The following CPN1 variants were observed in gnomAD, a reference collection of about 807,000 sequenced individuals.
CPN1 encodes the protein carboxypeptidase N subunit 1.
In CPN1, 37 loss-of-function variants were observed where a neutral mutation model predicts 46.4. The observed-to-expected ratio is 0.80, with a 90% CI of 0.61 to 1.05. CPN1 has a LOEUF of 1.05. Ranked by LOEUF, CPN1 falls within the 50% of genes least tolerant of loss-of-function variation. The pLI is 0.00. For missense variants in CPN1, 563 were observed against 602.6 expected (o/e 0.93, Z 0.69); for synonymous variants, 224 against 235.4 (o/e 0.95, Z 0.44).
At chr10:100,043,364 C>T (rs1244510260) in intron 8 of CPN1, among the ~76,000 whole-genome samples, 2 of 151,460 alleles carry the variant, frequency 1.3e-5, no homozygotes, top group East Asian at 3.9e-4. Context: ...CACTGCACTC[C>T]AGCCTGGGTG....
At chr10:100,068,491 G>C (rs2041467605) in intron 3 of CPN1, among the ~76,000 whole-genome samples, 1 of 151,860 alleles carries the variant, frequency 6.6e-6, no homozygotes, top group Non-Finnish European at 1.5e-5. Flanking sequence ...GGGATTACAG[G>C]CGTGAGCCAC....
At chr10:100,059,712 C>T (rs2041406362) in intron 5 of CPN1, among the ~76,000 whole-genome samples, 1 of 151,798 alleles carries the variant, frequency 6.6e-6, no homozygotes, top group African/African-American at 2.4e-5. Context: ...ATAGAACTAC[C>T]TTATGTCCAA....
intron 7 of CPN1, among the ~76,000 whole-genome samples, chr10:100,053,265 C>T (rs566984614): frequency 1.3e-5 from 2 of 152,254 alleles, no homozygotes; most frequent in South Asian, 2.1e-4. Context: ...CCAGCTTAAA[C>T]AGATTGTAGG....
At chr10:100,075,248 C>T (rs915427372) in intron 2 of CPN1, among the ~76,000 whole-genome samples, 1 of 152,174 alleles carries the variant, frequency 6.6e-6, no homozygotes, top group Non-Finnish European at 1.5e-5. Flanking sequence ...CGAGATCGCA[C>T]CACTGCACTC....
intron 4 of CPN1, among the ~76,000 whole-genome samples, chr10:100,064,082 C>T (rs751736085): frequency 2.3e-4 from 35 of 151,946 alleles, no homozygotes; most frequent in Non-Finnish European, 2.9e-5. Context: ...ATTGAAGGTC[C>T]CTTGTTTTTG....
At chr10:100,079,936 A>T (rs1488556360) in intron 1 of CPN1, among the ~76,000 whole-genome samples, 3 of 152,192 alleles carry the variant, frequency 2.0e-5, no homozygotes, top group Non-Finnish European at 4.4e-5. Flanking sequence ...AATAAAAAAA[A>T]TTAGCCAGGC....
intron 5 of CPN1, among the ~76,000 whole-genome samples, chr10:100,060,640 A>G (rs2041411310): frequency 6.6e-6 from 1 of 152,202 alleles, no homozygotes; most frequent in Admixed American, 6.5e-5. Flanking sequence ...TTACAGAAAG[A>G]ATGGGGAAAG....
chr10:100,064,102 C>G (rs2041438014), intron 4 of CPN1, among the ~76,000 whole-genome samples: 1 of 152,004 alleles, frequency 6.6e-6, no homozygotes, highest in African/African-American at 2.4e-5. Flanking sequence ...GTGCCATTTT[C>G]TAGCCGAATT....
intron 7 of CPN1, among the ~76,000 whole-genome samples, chr10:100,052,281 G>C (rs972401522): frequency 6.6e-6 from 1 of 152,076 alleles, no homozygotes; most frequent in Non-Finnish European, 1.5e-5. Flanking sequence ...ATGTTGCCTA[G>C]GCTGGTTGCG....
intron 8 of CPN1, among the ~76,000 whole-genome samples, chr10:100,044,712 T>A (rs893523597): frequency 2.1e-5 from 3 of 146,072 alleles, no homozygotes; most frequent in African/African-American, 7.6e-5. Flanking sequence ...TAGTAAACAA[T>A]CTTTTTTTTT....
At chr10:100,075,447 A>G (rs989850103) in intron 2 of CPN1, among the ~76,000 whole-genome samples, 1 of 152,212 alleles carries the variant, frequency 6.6e-6, no homozygotes, top group Non-Finnish European at 1.5e-5. Flanking sequence ...CCCTACCCCC[A>G]GTTCTGGGGA....
chr10:100,071,609 A>C (rs2041485844), intron 2 of CPN1, among the ~76,000 whole-genome samples: 1 of 152,174 alleles, frequency 6.6e-6, no homozygotes, highest in Admixed American at 6.5e-5. Context: ...CTCCATATCC[A>C]TGGGTTCCAC....
chr10:100,048,718 G>A (rs1250676737), intron 8 of CPN1, 40 bp downstream of exon 8: 1 of 1,367,400 alleles, frequency 7.3e-7, no homozygotes. Context: ...GACTGTATAA[G>A]TGATCTCTAC....
intron 1 of CPN1, among the ~76,000 whole-genome samples, chr10:100,076,388 G>A (rs1169060073): frequency 6.6e-6 from 1 of 152,172 alleles, no homozygotes; most frequent in African/African-American, 2.4e-5. Context: ...TTGTAAAGTG[G>A]GCATTAATAG....
In CPN1 at chr10:100,075,958, T is replaced by C. The variant is rs981429776; in HGVS notation, c.373A>G (p.Ile125Val). ...CCGTCGGGGTTCATGGATGGCAGGA[T>C]GTGAATGCGCGTGTCCTGGATGAGC... is the stretch of plus-strand genomic sequence containing the variant. ...VQLIQDTRIH[I>V]LPSMNPDGYE... is the part of the protein sequence containing the mutation. The change falls in exon 2 of 9, where the codon ATC becomes GTC. Residue 125 changes from isoleucine (I) to valine (V), a missense_variant. Coordinates refer to ENST00000370418, the MANE Select transcript of CPN1 (RefSeq NM_001308.3). The C allele has an allele frequency of 1.2e-6, 2 of 1,614,168 alleles. No homozygotes were observed. Among genetic ancestry groups the C allele is most frequent in the Non-Finnish European group, 8.5e-7 (1 of 1,180,042 alleles).
chr10:100,062,023 G>T (rs1005784037), intron 5 of CPN1, among the ~76,000 whole-genome samples: 1 of 152,014 alleles, frequency 6.6e-6, no homozygotes, highest in South Asian at 2.1e-4. Context: ...GTATTCAAGC[G>T]AGTTTTTGTC....
chr10:100,046,988 T>C (rs2041317003), intron 8 of CPN1, among the ~76,000 whole-genome samples: 1 of 151,536 alleles, frequency 6.6e-6, no homozygotes, highest in Non-Finnish European at 1.5e-5. Context: ...GCAGGAGAAT[T>C]GCTTGAACCC....
At position 100,057,167 on chromosome 10, in the gene CPN1, G is replaced by T. The variant is rs2041389147; in HGVS notation, c.872-15C>A. 4 of 1,613,206 alleles carry T rather than the reference G, an allele frequency of 2.5e-6. No homozygotes were observed. Among genetic ancestry groups the T allele is most frequent in the Non-Finnish European group, 3.4e-6 (4 of 1,179,346 alleles). The stretch of plus-strand genomic sequence containing the variant: ...GTCTTGCATTCCTAAGGGAAAGAGG[G>T]CAGCAGCAGATTTCCATAACCAGGT... On this transcript the variant is annotated splice_polypyrimidine_tract_variant and intron_variant, in intron 5 of 8. Transcript: ENST00000370418.
chr10:100,077,203 C>T (rs1200069639), intron 1 of CPN1, among the ~76,000 whole-genome samples: 1 of 148,712 alleles, frequency 6.7e-6, no homozygotes, highest in Non-Finnish European at 1.5e-5. Flanking sequence ...AGAGAGAGCT[C>T]TCTGTTGACT....
Sources: gnomAD v4.1 joint callset for allele counts (sites outside exome capture counted in the v4.1 genomes callset) on GRCh38, gnomAD v4.1.1 for gene constraint, MANE v1.5 for transcripts, NCBI Gene and HGNC (gene_info 2026-07-23, HGNC 2026-07-21) for gene names.